The following NTM variants were observed in gnomAD, a reference collection of about 807,000 sequenced individuals.
NTM encodes the protein IgLON family member 2.
In NTM, 13 loss-of-function variants were observed where a neutral mutation model predicts 42.1. The ratio of observed to expected loss-of-function variants is 0.31; its 90% CI spans 0.20 to 0.49. The LOEUF (loss-of-function observed/expected upper bound fraction) is 0.49, where lower values mean the gene tolerates loss of function less well. Ranked by LOEUF, NTM falls within the 20% of genes least tolerant of loss-of-function variation. The pLI is 0.99. For missense variants in NTM, 373 were observed against 452.8 expected, an observed-to-expected ratio of 0.82 and a Z score of 1.60; for synonymous variants, 187 against 179.2, an observed-to-expected ratio of 1.04 and a Z score of -0.35.
intron 1 of NTM, among the ~76,000 whole-genome samples, chr11:131,479,514 A>G (rs1953318416): frequency 6.6e-6 from 1 of 152,172 alleles, no homozygotes; most frequent in Non-Finnish European, 1.5e-5. Context: ...AGGTGGAAGG[A>G]AGAGAAAAAG....
intron 1 of NTM, among the ~76,000 whole-genome samples, chr11:131,403,038 C>T (rs1051555134): frequency 1.3e-5 from 2 of 152,196 alleles, no homozygotes; most frequent in Non-Finnish European, 2.9e-5. Context: ...GTAGAAAAAG[C>T]TTAGACTGCA....
rs893932008 is a variant in NTM at position 131,812,170 on chromosome 11, G to T, written c.83-99394G>T. ...TTTTTTCTCTACCCTTTGTCAGAAAGATAATTAGTCAGCCTCTCTCTCTCT... is the reference window on the plus strand; with the variant it reads ...TTTTTTCTCTACCCTTTGTCAGAAATATAATTAGTCAGCCTCTCTCTCTCT... On this transcript the variant is annotated intron_variant, in intron 1 of 8. Transcript: ENST00000683400. Among the ~76,000 whole-genome samples, 7 of 145,222 alleles carry T rather than the reference G, an allele frequency of 4.8e-5. No homozygotes were observed. The South Asian group carries it at 1.3e-3, about 27-fold the overall frequency.
At chr11:131,510,574 C>G (rs1440059493) in intron 1 of NTM, among the ~76,000 whole-genome samples, 1 of 152,204 alleles carries the variant, frequency 6.6e-6, no homozygotes, top group Non-Finnish European at 1.5e-5. Context: ...TAACTTCAGC[C>G]TTAATTTTTT....
Position 131,557,459 on chromosome 11 carries a change from C to G in NTM, c.82+186571C>G, listed in dbSNP as rs186259567. 1.6e-3 allele frequency among the ~76,000 whole-genome samples: 243 copies of G among 152,284 alleles called. 1 individual carries two copies. Among genetic ancestry groups the G allele is most frequent in the African/African-American group, 5.1e-3 (211 of 41,560 alleles). ...GCAGAGGTGGTTTAAATCCTTTCCT[C>G]ATCATGACTGAGTGATACTGCCAAG... On this transcript the variant is annotated intron_variant, in intron 1 of 8. Coordinates refer to ENST00000683400, the MANE Select transcript of NTM (RefSeq NM_001352005.2).
chr11:132,080,873 T>C (rs114648220), intron 2 of NTM, among the ~76,000 whole-genome samples: 2,186 of 152,242 alleles, frequency 0.014, 64 homozygotes, highest in African/African-American at 0.051. Context: ...GGAATGAAGG[T>C]AATTGATTAA....
At chr11:132,265,920 G>A (rs2093157568) in intron 4 of NTM, among the ~76,000 whole-genome samples, 1 of 152,186 alleles carries the variant, frequency 6.6e-6, no homozygotes, top group Admixed American at 6.5e-5. Flanking sequence ...ACACTGTTGG[G>A]ATTTCCCACC....
chr11:131,374,750 T>TGGGATGAAG (rs1941736797), intron 1 of NTM, among the ~76,000 whole-genome samples: 1 of 152,146 alleles, frequency 6.6e-6, no homozygotes, highest in Admixed American at 6.5e-5. Context: ...ACTTGTCCCT[T>TGGGATGAAG]GGGATGAAGT....
At chr11:131,763,708 TC>T (rs1328042756) in intron 1 of NTM, among the ~76,000 whole-genome samples, 16 of 128,896 alleles carry the variant, frequency 1.2e-4, no homozygotes, top group African/African-American at 4.9e-4. Context: ...CATCTCTCTC[TC>T]TTTTTTTTTT....
intron 1 of NTM, among the ~76,000 whole-genome samples, chr11:131,615,074 C>A (rs1312105851): frequency 1.3e-5 from 2 of 152,206 alleles, no homozygotes; most frequent in Non-Finnish European, 2.9e-5. Context: ...AGCTGGTGAG[C>A]AGATACATTT....
intron 1 of NTM, among the ~76,000 whole-genome samples, chr11:131,696,657 T>C (rs777250538): frequency 2.0e-5 from 3 of 152,218 alleles, no homozygotes; most frequent in Non-Finnish European, 4.4e-5. Context: ...ATGTGACTGC[T>C]ATGAGAAGGG....
chr11:131,392,778 G>A (rs571464713), intron 1 of NTM, among the ~76,000 whole-genome samples: 17 of 152,198 alleles, frequency 1.1e-4, no homozygotes, highest in Non-Finnish European at 1.3e-4. Context: ...TGCTCTGAAA[G>A]TCTGGAAGGT....
At chr11:131,476,003 A>C (rs1225592863) in intron 1 of NTM, among the ~76,000 whole-genome samples, 1 of 152,102 alleles carries the variant, frequency 6.6e-6, no homozygotes, top group African/African-American at 2.4e-5. Context: ...CTCAGGATAA[A>C]TATTTGTGGA....
At chr11:131,681,674 T>C (rs201049305) in intron 1 of NTM, among the ~76,000 whole-genome samples, 3 of 19,464 alleles carry the variant, frequency 1.5e-4, no homozygotes, top group Non-Finnish European at 1.2e-3. Flanking sequence ...TCTCCCTGTG[T>C]GTGTGAGCGT....
chr11:131,791,752 G>T (rs2090969295), intron 1 of NTM, among the ~76,000 whole-genome samples: 1 of 152,236 alleles, frequency 6.6e-6, no homozygotes, highest in South Asian at 2.1e-4. Flanking sequence ...ATAACTGAGT[G>T]AGTCAGTGAT....
chr11:131,406,817 G>A (rs1945859237), intron 1 of NTM, among the ~76,000 whole-genome samples: 1 of 151,926 alleles, frequency 6.6e-6, no homozygotes, highest in Admixed American at 6.5e-5. Flanking sequence ...TCTGAGAAGT[G>A]GATAAAAGCT....
rs77482131 is a variant in NTM, at chr11:131,924,386, G to A, written c.167+12738G>A. Among the ~76,000 whole-genome samples, 26 of 152,220 alleles carry A rather than the reference G, an allele frequency of 1.7e-4. No homozygotes were observed. The East Asian group carries it at 3.9e-3, about 23-fold the overall frequency. ...TGAAGTGAGAATACTGCTCTGTTTC[G>A]TTCTTGAGTTTTGAGGAAGAGATTA... On this transcript the variant is annotated intron_variant, in intron 2 of 8. Transcript: ENST00000683400.
chr11:132,013,078 A>G (rs1349167440), intron 2 of NTM, among the ~76,000 whole-genome samples: 3 of 152,226 alleles, frequency 2.0e-5, no homozygotes, highest in East Asian at 1.9e-4. Context: ...TTACTTGAAG[A>G]TAACCAATTT....
intron 1 of NTM, among the ~76,000 whole-genome samples, chr11:131,837,489 G>C (rs1365226844): frequency 1.3e-5 from 2 of 152,154 alleles, no homozygotes; most frequent in Non-Finnish European, 2.9e-5. Context: ...CTATTTAGGA[G>C]AGTCACATCT....
intron 1 of NTM, among the ~76,000 whole-genome samples, chr11:131,664,753 G>GTTTTTTTTTTTTT (rs199824869): frequency 1.8e-5 from 2 of 112,914 alleles, no homozygotes; most frequent in Admixed American, 8.9e-5. Flanking sequence ...CTCTTCCATT[G>GTTTTTTTTTTTTT]TTTTTTTTTT....
Sources: gnomAD v4.1 joint callset for allele counts (sites outside exome capture counted in the v4.1 genomes callset) on GRCh38, gnomAD v4.1.1 for gene constraint, MANE v1.5 for transcripts, NCBI Gene and HGNC (gene_info 2026-07-23, HGNC 2026-07-21) for gene names.